Variants in H2BC5 observed in about 807,000 individuals in gnomAD.
H2BC5 encodes the protein histone H2B type 1-D.
A neutral mutation model predicts 5.7 loss-of-function variants in H2BC5; 9 were observed. The observed-to-expected ratio is 1.57, with a 90% confidence interval of 0.95 to 2.74. The LOEUF (loss-of-function observed/expected upper bound fraction) is 2.74. Among genes scored for constraint, H2BC5 ranks in the 30% most tolerant of loss-of-function variants. The pLI is 0.00. For synonymous variants in H2BC5, 133 were observed against 70.9 expected (o/e 1.88, Z -4.40); for missense variants, 175 against 168.8 (o/e 1.04, Z -0.20).
rs1194067796 is a variant in H2BC5 at position 26,158,477 on chromosome 6, T to C, written c.308T>C (p.Leu103Pro). Residue 103 changes from leucine to proline, a missense_variant, in exon 1 of 1, where the codon CTT becomes CCT. By Grantham distance (98) the Leu-to-Pro change is moderately conservative. Transcript: ENST00000377777. ...ATCCAGACGGCCGTGCGCCTGCTGCTTCCGGGGGAGCTGGCCAAGCACGCC... is the reference window on the plus strand; with the variant it reads ...ATCCAGACGGCCGTGCGCCTGCTGCCTCCGGGGGAGCTGGCCAAGCACGCC... ...REIQTAVRLL[L>P]PGELAKHAVS... 1 of 1,614,252 alleles carries C rather than the reference T, an allele frequency of 6.2e-7. No homozygotes were observed. The highest frequency in any genetic ancestry group is 8.5e-7 in the Non-Finnish European group (1 of 1,180,046).
At chr6:26,168,222 G>C (rs1764463534) in intron 1 of H2BC5, among the ~76,000 whole-genome samples, 1 of 151,986 alleles carries the variant, frequency 6.6e-6, no homozygotes, top group Non-Finnish European at 1.5e-5. Context: ...ACTTTGGGAG[G>C]CCAAGGCGGG....
intron 1 of H2BC5, chr6:26,163,813 C>G (rs1250269843): frequency 6.4e-6 from 1 of 156,776 alleles, no homozygotes; most frequent in African/African-American, 2.4e-5. Flanking sequence ...GAGTCTTGCT[C>G]CGTCACCCAG....
At chr6:26,162,553 G>A (rs1469648569), downstream of H2BC5, among the ~76,000 whole-genome samples, 1 of 152,012 alleles carries the variant, frequency 6.6e-6, no homozygotes, top group Admixed American at 6.6e-5. Context: ...TGTTGTTGTT[G>A]TTGTTTTGAG....
chr6:26,162,186 AGGATAATT>A (rs1383877047), downstream of H2BC5, among the ~76,000 whole-genome samples: 1 of 152,218 alleles, frequency 6.6e-6, no homozygotes, highest in Admixed American at 6.5e-5. Context: ...TGCATGTAGG[AGGATAATT>A]GGATAATTGG....
At chr6:26,158,634 T>G, downstream of H2BC5, 1 of 1,560,024 alleles carries the variant, frequency 6.4e-7, no homozygotes, top group Non-Finnish European at 8.7e-7. Context: ...GTTGTAATCA[T>G]TTCATTCAAA....
At chr6:26,160,013 T>G (rs908228681), downstream of H2BC5, among the ~76,000 whole-genome samples, 6 of 152,148 alleles carry the variant, frequency 3.9e-5, no homozygotes, top group Non-Finnish European at 7.4e-5. Context: ...CAGACCTAAA[T>G]CTGTCATCTC....
chr6:26,158,420 A>T lies in H2BC5; in HGVS notation c.251A>T (p.Tyr84Phe). Residue 84 changes from tyrosine (Y) to phenylalanine (F), a missense_variant, in exon 1 of 1, where the codon TAC becomes TTC. Around this residue, in one of 4 missense-constraint regions of H2BC5, gnomAD observed 43 missense variants for 37.7 expected, o/e 1.14. Transcript: ENST00000377777. ...IAGEASRLAH[Y>F]NKRSTITSRE... is the part of the protein sequence containing the mutation. ...GGCGAGGCTTCCCGCCTGGCGCATT[A>T]CAACAAGCGCTCGACCATCACCTCC... 6.2e-7 allele frequency: 1 copy of T among 1,614,280 alleles called. No homozygotes were observed. Among genetic ancestry groups the T allele is most frequent in the Non-Finnish European group, 8.5e-7 (1 of 1,180,048 alleles).
rs554378698 is a variant in H2BC5 at position 26,163,948 on chromosome 6, T to A, written c.*9+5389T>A. On this transcript the variant is annotated intron_variant, in intron 1 of 1. Coordinates refer to the H2BC5 transcript ENST00000289316. ...GAGCCATTTCCTCCGGCACATGTTATTCAATATAAACAAGTCACTGAAATC... is the reference window on the plus strand; with the variant it reads ...GAGCCATTTCCTCCGGCACATGTTAATCAATATAAACAAGTCACTGAAATC... The A allele has an allele frequency of 1.7e-3, 432 of 259,042 alleles. 5 individuals are homozygous for A. The highest frequency in any genetic ancestry group is 0.012 in the Middle Eastern group (20 of 1,692). The allele number at this position is 259,042 out of a possible 1,614,324, so 16.0% of individuals were successfully genotyped here.
chr6:26,160,905 C>T (rs1268389869), downstream of H2BC5: 1 of 145,112 alleles, frequency 6.9e-6, no homozygotes, highest in African/African-American at 2.6e-5. Flanking sequence ...TGACTAGTGT[C>T]TTTTTGAAAA....
At chr6:26,168,543 A>G (rs1764471122) in intron 1 of H2BC5, among the ~76,000 whole-genome samples, 1 of 152,136 alleles carries the variant, frequency 6.6e-6, no homozygotes, top group Admixed American at 6.5e-5. Context: ...ATAATTTAAA[A>G]CCACTTTACC....
At chr6:26,166,786 G>A (rs908184886) in intron 1 of H2BC5, among the ~76,000 whole-genome samples, 61 of 131,244 alleles carry the variant, frequency 4.6e-4, no homozygotes, top group African/African-American at 1.4e-3. Context: ...TGCAACCTCC[G>A]CCTCCTGGGT....
chr6:26,162,498 G>GT (rs528568674), downstream of H2BC5, among the ~76,000 whole-genome samples: 31 of 152,260 alleles, frequency 2.0e-4, no homozygotes, highest in East Asian at 4.4e-3. Flanking sequence ...GCATGGATGT[G>GT]TATATGTAGT....
intron 1 of H2BC5, among the ~76,000 whole-genome samples, chr6:26,170,782 T>C (rs1764504515): frequency 6.6e-6 from 1 of 152,218 alleles, no homozygotes; most frequent in South Asian, 2.1e-4. Flanking sequence ...GATCACATTA[T>C]TCAGTGATAT....
At chr6:26,160,340 C>T (rs939769280), downstream of H2BC5, among the ~76,000 whole-genome samples, 1 of 151,980 alleles carries the variant, frequency 6.6e-6, no homozygotes, top group Non-Finnish European at 1.5e-5. Context: ...CCCAAAAATG[C>T]ACAAGGAGCT....
intron 1 of H2BC5, among the ~76,000 whole-genome samples, chr6:26,170,720 T>C (rs770810291): frequency 3.9e-5 from 6 of 152,224 alleles, no homozygotes; most frequent in Non-Finnish European, 8.8e-5. Flanking sequence ...ATATGAGCTT[T>C]TGAACTATTT....
intron 1 of H2BC5, among the ~76,000 whole-genome samples, chr6:26,165,910 CTCT>C (rs1561970384): frequency 6.6e-6 from 1 of 152,192 alleles, no homozygotes; most frequent in African/African-American, 2.4e-5. Context: ...TACCTGACTT[CTCT>C]TCTTCAGCCA....
chr6:26,158,576 C>T lies in H2BC5; in HGVS notation c.*26C>T, dbSNP rs774299739. 6.2e-7 allele frequency: 1 copy of T among 1,610,148 alleles called. No individual in the cohort carries two copies. Among genetic ancestry groups the T allele is most frequent in the Non-Finnish European group, 8.5e-7 (1 of 1,178,390 alleles). On this transcript the variant is annotated 3_prime_UTR_variant, in exon 1 of 1. Transcript: ENST00000377777. The stretch of plus-strand genomic sequence containing the variant: ...CTTTGCCAAGTAAGCATCTTTACAC[C>T]TAATCCCAAAGGCTCTTTTAAGAGC...
chr6:26,167,414 T>C (rs1764448146), intron 1 of H2BC5, among the ~76,000 whole-genome samples: 1 of 152,178 alleles, frequency 6.6e-6, no homozygotes, highest in Non-Finnish European at 1.5e-5. Context: ...GCACTACCAG[T>C]AGAGAAGGGC....
intron 1 of H2BC5, among the ~76,000 whole-genome samples, chr6:26,165,377 G>A (rs1764406607): frequency 6.6e-6 from 1 of 152,074 alleles, no homozygotes; most frequent in Non-Finnish European, 1.5e-5. Context: ...TCAGAACCAT[G>A]CCCAAGATAT....
Sources: gnomAD v4.1 joint callset for allele counts (sites outside exome capture counted in the v4.1 genomes callset) on GRCh38, gnomAD v4.1.1 for gene constraint, gnomAD v4.1.1 regional missense constraint, MANE v1.5 for transcripts, NCBI Gene and HGNC (gene_info 2026-07-23, HGNC 2026-07-21) for gene names.